Variants in HPR observed in about 807,000 individuals in gnomAD.
HPR encodes the protein haptoglobin-related protein, also known as Haptoglobin-related locus.
HPR carries 17 observed loss-of-function variants against 18.5 expected under a neutral mutation model. That is an observed-to-expected ratio of 0.92 (90% confidence interval 0.63 to 1.38). The LOEUF is 1.38. HPR is among the 40% of genes most tolerant of loss of function. HPR has a pLI of 0.00. For missense variants in HPR, 457 were observed against 432.4 expected (o/e 1.06, Z -0.51); for synonymous variants, 176 against 165.0 (o/e 1.07, Z -0.51).
intron 1 of HPR, among the ~76,000 whole-genome samples, chr16:72,071,721 C>G (rs1269829995): frequency 6.6e-6 from 1 of 152,200 alleles, no homozygotes; most frequent in African/African-American, 2.4e-5. Context: ...TTACTGGACA[C>G]TGCCGAGTAA....
intron 1 of HPR, among the ~76,000 whole-genome samples, chr16:72,067,070 G>A (rs1443325762): frequency 6.6e-6 from 1 of 152,164 alleles, no homozygotes; most frequent in Non-Finnish European, 1.5e-5. Flanking sequence ...CAAGATAAGT[G>A]TTACAAATGT....
intron 3 of HPR, 174 bp downstream of exon 3, chr16:72,074,559 A>C: frequency 1.4e-6 from 1 of 738,324 alleles, no homozygotes. Context: ...GGGCAGACTA[A>C]CTTTTGTCAG....
chr16:72,068,284 G>A (rs56030533), intron 1 of HPR, among the ~76,000 whole-genome samples: 6,950 of 151,122 alleles, frequency 0.046, 336 homozygotes, highest in African/African-American at 0.12. Flanking sequence ...TATTTAGGCC[G>A]CTTAATAAGT....
intron 1 of HPR, among the ~76,000 whole-genome samples, chr16:72,071,002 C>G (rs1450865313): frequency 3.3e-5 from 5 of 152,114 alleles, no homozygotes; most frequent in Non-Finnish European, 7.3e-5. Flanking sequence ...TATAGCTAAC[C>G]CCCAAACAAT....
chr16:72,071,189 C>G (rs76601050), intron 1 of HPR, among the ~76,000 whole-genome samples: 1,849 of 152,216 alleles, frequency 0.012, 101 homozygotes, highest in East Asian at 0.09. Context: ...GCTCAGCGTC[C>G]TCCTCCCATC....
intron 1 of HPR, among the ~76,000 whole-genome samples, chr16:72,064,617 A>G (rs1407621998): frequency 6.6e-6 from 1 of 152,228 alleles, no homozygotes; most frequent in Non-Finnish European, 1.5e-5. Flanking sequence ...AAGCTGCGTT[A>G]GACATAAAAA....
rs1218768641 is a variant in HPR, at chr16:72,076,849, T to C, written c.815T>C (p.Val272Ala). Residue 272 changes from valine to alanine, a missense_variant, in exon 5 of 5, where the codon GTG (valine) becomes GCG (alanine). Physicochemically the swap from Val to Ala is moderately conservative, Grantham distance 64. Coordinates refer to ENST00000540303, the MANE Select transcript of HPR (RefSeq NM_020995.4). ...AAGGCACCGAAGAGCCCTGTAGGGGTGCAGCCCATACTGAACGAACACACC... is the reference window on the plus strand; with the variant it reads ...AAGGCACCGAAGAGCCCTGTAGGGGCGCAGCCCATACTGAACGAACACACC... ...KWKAPKSPVG[V>A]QPILNEHTFC... The C allele has an allele frequency of 3.1e-6, 5 of 1,614,168 alleles. No homozygotes were observed. The highest frequency in any genetic ancestry group is 3.3e-5 in the Admixed American group (2 of 60,020).
At chr16:72,073,256 G>A (rs1163527817) in intron 1 of HPR, among the ~76,000 whole-genome samples, 3 of 152,158 alleles carry the variant, frequency 2.0e-5, no homozygotes, top group Admixed American at 6.5e-5. Flanking sequence ...GGGTGCTCTC[G>A]TGGCAACCGA....
intron 1 of HPR, among the ~76,000 whole-genome samples, chr16:72,071,602 C>T (rs1302935884): frequency 6.6e-6 from 1 of 152,156 alleles, no homozygotes; most frequent in African/African-American, 2.4e-5. Context: ...ACTTGGTGTT[C>T]CTTGGAGCCT....
chr16:72,075,347 C>T (rs11646662), intron 4 of HPR, 128 bp downstream of exon 4: 98,743 of 757,496 alleles, frequency 0.13, 7,640 homozygotes, highest in South Asian at 0.16. Context: ...GTGGGAGAAC[C>T]GCAGCTGGCC....
At chr16:72,063,749 A>C (rs919364446) in intron 1 of HPR, among the ~76,000 whole-genome samples, 4 of 151,630 alleles carry the variant, frequency 2.6e-5, no homozygotes, top group Non-Finnish European at 4.4e-5. Context: ...AAGACTAGAA[A>C]CTTTTTTTTT....
chr16:72,067,118 T>C (rs1286137667), intron 1 of HPR, among the ~76,000 whole-genome samples: 1 of 151,968 alleles, frequency 6.6e-6, no homozygotes, highest in Non-Finnish European at 1.5e-5. Context: ...TGTCCCAAAT[T>C]AGAAAAGGAG....
chr16:72,068,955 T>A (rs1330562334), intron 1 of HPR, among the ~76,000 whole-genome samples: 1 of 152,156 alleles, frequency 6.6e-6, no homozygotes, highest in African/African-American at 2.4e-5. Flanking sequence ...GAAAGATCCC[T>A]TTCAAAACAG....
At chr16:72,074,094 C>G in intron 2 of HPR, 117 bp downstream of exon 2, 1 of 1,439,826 alleles carries the variant, frequency 6.9e-7, no homozygotes, top group East Asian at 2.3e-5. Flanking sequence ...TTATCCTGAC[C>G]TCTGGGCTTT....
intron 2 of HPR, 30 bp downstream of exon 2, chr16:72,074,007 A>G (rs1275736190): frequency 6.2e-7 from 1 of 1,613,572 alleles, no homozygotes. Context: ...AGGAGCATGC[A>G]TCCCTGGCAC....
chr16:72,077,218 C>T lies in HPR; in HGVS notation c.*137C>T. On this transcript the variant is annotated 3_prime_UTR_variant, in exon 5 of 5. Transcript: ENST00000540303. ...GGGTGCCAGCCCTGCATTGCTGAGT[C>T]AATCAATAAAGAGCTTTCTTTTGAC... The T allele has an allele frequency of 1.2e-6, 1 of 818,830 alleles. No homozygotes were observed. The highest frequency in any genetic ancestry group is 1.9e-6 in the Non-Finnish European group (1 of 536,428). 50.7% of individuals were successfully genotyped at this position (818,830 alleles called of 1,614,324 possible). A position where few individuals can be genotyped will look rare whatever the true frequency, so the allele number is the denominator to read the frequency against.
intron 1 of HPR, among the ~76,000 whole-genome samples, chr16:72,067,782 C>T (rs182512715): frequency 6.6e-6 from 1 of 152,226 alleles, no homozygotes; most frequent in Admixed American, 6.5e-5. Context: ...TACTGCCTGT[C>T]AAAAAATCAG....
Position 72,076,916 on chromosome 16 carries a change from T to A in HPR, c.882T>A (p.Tyr294Ter). The change falls in exon 5 of 5, where the codon TAT (tyrosine) becomes TAA (stop). Residue 294 changes from tyrosine to a stop codon, truncating the protein, a stop_gained. Transcript: ENST00000540303. LOFTEE classifies it high-confidence loss of function. Reference protein sequence around the residue: ...GMSKYQEDTCYGDAGSAFAVH... With the variant: ...GMSKYQEDTC The stretch of plus-strand genomic sequence containing the variant: ...CTAAGTACCAGGAAGACACCTGCTA[T>A]GGCGATGCGGGCAGTGCCTTTGCCG... 1.2e-6 allele frequency: 2 copies of A among 1,614,238 alleles called. No individual in the cohort carries two copies. The highest frequency in any genetic ancestry group is 2.2e-5 in the South Asian group (2 of 91,086).
chr16:72,067,394 T>G (rs1001342363), intron 1 of HPR, among the ~76,000 whole-genome samples: 22 of 152,088 alleles, frequency 1.4e-4, no homozygotes, highest in Non-Finnish European at 4.4e-5. Flanking sequence ...AATACAGAAG[T>G]CAAGTACCAA....
Sources: allele counts gnomAD v4.1 joint callset (sites outside exome capture counted in the v4.1 genomes callset), GRCh38; gene constraint gnomAD v4.1.1; transcripts MANE v1.5; gene names NCBI Gene and HGNC (gene_info 2026-07-23, HGNC 2026-07-21).